The following GTF2IRD1 variants were observed in gnomAD, a reference collection of about 807,000 sequenced individuals.
GTF2IRD1 encodes GTF2I repeat domain containing 1, also known as general transcription factor II-I repeat domain-containing protein 1.
GTF2IRD1 carries 26 observed loss-of-function variants against 113.2 expected under a neutral mutation model. The ratio of observed to expected loss-of-function variants is 0.23; its 90% CI spans 0.17 to 0.32. GTF2IRD1 has a LOEUF of 0.32. GTF2IRD1 is among the 10% of genes least tolerant of loss of function. The pLI is 1.00. For synonymous variants in GTF2IRD1, 484 were observed against 529.1 expected (o/e 0.91, Z 1.17); for missense variants, 864 against 1,280.8 (o/e 0.67, Z 4.97).
Position 74,555,331 on chromosome 7 carries a change from C to T in GTF2IRD1, c.1967-107C>T, listed in dbSNP as rs1799527687. 2 of 1,457,274 alleles carry T rather than the reference C, an allele frequency of 1.4e-6. No individual in the cohort carries two copies. Among genetic ancestry groups the T allele is most frequent in the African/African-American group, 2.8e-5 (2 of 71,894 alleles). 90.3% of individuals were successfully genotyped at this position (1,457,274 alleles called of 1,614,324 possible). ...GCCTCTGTCCTGCTCCCATCCTGGC[C>T]CTGGCATTCTCCCCACACCCCCACA... is the stretch of plus-strand genomic sequence containing the variant. On this transcript the variant is annotated intron_variant, in intron 18 of 26. Coordinates refer to ENST00000424337, the MANE Select transcript of GTF2IRD1 (RefSeq NM_005685.4). This position sits in a 1 kb window ranked among gnomAD's most constrained non-coding sequence, Gnocchi z 5.3.
chr7:74,517,131 C>T (rs112311591), intron 4 of GTF2IRD1, among the ~76,000 whole-genome samples: 58 of 152,196 alleles, frequency 3.8e-4, no homozygotes, highest in African/African-American at 1.3e-3. Context: ...TCAAGCAATT[C>T]TCCTGCCTCA....
At chr7:74,478,225 T>C (rs1208902221) in intron 1 of GTF2IRD1, among the ~76,000 whole-genome samples, 1 of 152,188 alleles carries the variant, frequency 6.6e-6, no homozygotes, top group African/African-American at 2.4e-5. Context: ...AGAGATATAC[T>C]GTGAGCAACA....
chr7:74,569,633 A>G (rs1371567040), intron 22 of GTF2IRD1, among the ~76,000 whole-genome samples: 1 of 152,198 alleles, frequency 6.6e-6, no homozygotes, highest in Non-Finnish European at 1.5e-5. Context: ...CATGGTAACC[A>G]TATTTCCACC....
intron 21 of GTF2IRD1, 35 bp downstream of exon 21, chr7:74,559,079 G>T (rs1554358233): frequency 1.3e-6 from 2 of 1,579,910 alleles, no homozygotes; most frequent in Admixed American, 1.7e-5. Context: ...GAAGAGGCAG[G>T]ACTAGCTCAG....
chr7:74,568,337 T>TTAAAAAAAA (rs1554361354), intron 22 of GTF2IRD1, among the ~76,000 whole-genome samples: 3 of 91,990 alleles, frequency 3.3e-5, no homozygotes, highest in African/African-American at 1.4e-4. Flanking sequence ...CATCTCTATT[T>TTAAAAAAAA]AAAAAAAAAA....
intron 14 of GTF2IRD1, among the ~76,000 whole-genome samples, chr7:74,542,722 A>G (rs1798700753): frequency 6.6e-6 from 1 of 152,252 alleles, no homozygotes; most frequent in Non-Finnish European, 1.5e-5. Context: ...TCAGGCTGAG[A>G]TGACAGCATG....
In GTF2IRD1 at chr7:74,484,449, C is replaced by A. The variant is rs564227667; in HGVS notation, c.-6-23626C>A. Among the ~76,000 whole-genome samples, 7 of 148,434 alleles carry A rather than the reference C, an allele frequency of 4.7e-5. No individual in the cohort carries two copies. In the East Asian group the frequency reaches 1.2e-3, roughly 25 times the overall value. On this transcript the variant is annotated intron_variant, in intron 1 of 26. Transcript: ENST00000424337. ...GGCATGAGCCACCACACCCGGCCATCCTTCTTTTTTTTTTTTTTTTTTTGA... is the reference window on the plus strand; with the variant it reads ...GGCATGAGCCACCACACCCGGCCATACTTCTTTTTTTTTTTTTTTTTTTGA...
chr7:74,561,713 C>T (rs1341899856), intron 22 of GTF2IRD1, among the ~76,000 whole-genome samples: 5 of 151,936 alleles, frequency 3.3e-5, no homozygotes, highest in Non-Finnish European at 7.4e-5. Flanking sequence ...GGGTTTCTGG[C>T]CCTGCACTGG....
intron 22 of GTF2IRD1, among the ~76,000 whole-genome samples, chr7:74,587,238 A>C (rs1801764631): frequency 2.0e-5 from 3 of 152,108 alleles, no homozygotes; most frequent in Non-Finnish European, 1.5e-5. Flanking sequence ...TGAGCTCAGG[A>C]GTTTGAGACC....
intron 1 of GTF2IRD1, among the ~76,000 whole-genome samples, chr7:74,499,677 AATGAATGAATGCACAC>A (rs1303882153): frequency 6.6e-6 from 1 of 152,202 alleles, no homozygotes; most frequent in Non-Finnish European, 1.5e-5. Flanking sequence ...CCAAGAAATG[AATGAATGAATGCACAC>A]ATGAATGAAT....
At chr7:74,465,637 C>T (rs760071982) in intron 1 of GTF2IRD1, among the ~76,000 whole-genome samples, 1 of 152,158 alleles carries the variant, frequency 6.6e-6, no homozygotes, top group Non-Finnish European at 1.5e-5. Flanking sequence ...CAGAAGCTGG[C>T]CCTGTGGGAG....
At chr7:74,510,819 G>A (rs1796587332) in intron 2 of GTF2IRD1, among the ~76,000 whole-genome samples, 1 of 151,930 alleles carries the variant, frequency 6.6e-6, no homozygotes, top group South Asian at 2.1e-4. Flanking sequence ...GAGGCTGAGT[G>A]GGGCAGATCA....
At position 74,512,591 on chromosome 7, in the gene GTF2IRD1, G is replaced by A. The variant is rs1045585475; in HGVS notation, c.124-239G>A. ...GGCCTACCCCAAGGAGGAGGACCTT[G>A]GAGGGAGGAGCAGAGGACACTTGTC... On this transcript the variant is annotated intron_variant, in intron 2 of 26. Coordinates refer to ENST00000424337, the MANE Select transcript of GTF2IRD1 (RefSeq NM_005685.4). The surrounding 1 kb of genome is among the most constrained non-coding windows in gnomAD (Gnocchi z 4.4). 1.3e-5 allele frequency among the ~76,000 whole-genome samples: 2 copies of A among 151,902 alleles called. No individual in the cohort carries two copies. The highest frequency in any genetic ancestry group is 2.9e-5 in the Non-Finnish European group (2 of 68,022).
In GTF2IRD1 at chr7:74,566,959, A is replaced by G. The variant is rs1800357273; in HGVS notation, c.2320+7304A>G. 2.0e-5 allele frequency among the ~76,000 whole-genome samples: 3 copies of G among 152,184 alleles called. No individual in the cohort carries two copies. The South Asian group carries it at 6.2e-4, about 31-fold the overall frequency. ...TTGCTGTCCCCTCCTGGCTACCAGCAGCTATTACACTGGTCCTGCCTGTGT... is the reference window on the plus strand; with the variant it reads ...TTGCTGTCCCCTCCTGGCTACCAGCGGCTATTACACTGGTCCTGCCTGTGT... On this transcript the variant is annotated intron_variant, in intron 22 of 26. Coordinates refer to ENST00000424337, the MANE Select transcript of GTF2IRD1 (RefSeq NM_005685.4).
chr7:74,562,586 A>G (rs1275598112), intron 22 of GTF2IRD1, among the ~76,000 whole-genome samples: 9 of 14,778 alleles, frequency 6.1e-4, no homozygotes, highest in South Asian at 2.6e-3. Context: ...TTTTTTTTTG[A>G]GATGGAATTT....
chr7:74,526,698 G>A (rs1278432190), intron 8 of GTF2IRD1, among the ~76,000 whole-genome samples: 1 of 151,114 alleles, frequency 6.6e-6, no homozygotes, highest in African/African-American at 2.4e-5. Context: ...GAAAAGACAA[G>A]CCCCAATAAA....
Position 74,538,725 on chromosome 7 carries a change from C to G in GTF2IRD1, c.1493C>G (p.Pro498Arg). 1 of 1,605,770 alleles carries G rather than the reference C, an allele frequency of 6.2e-7. No homozygotes were observed. Among genetic ancestry groups the G allele is most frequent in the African/African-American group, 1.3e-5 (1 of 74,876 alleles). ...LGGLRPIKIE[P>R]EDLDIIQVTV... ...GGGCTGAGGCCGATCAAAATTGAGC[C>G]AGAGGATCTGGACATCATTCAGGTC... Residue 498 changes from proline (P) to arginine (R), a missense_variant, in exon 13 of 27, where the codon CCA becomes CGA. This residue lies in a region of GTF2IRD1 where 218 missense variants were observed against 352.6 expected (regional missense o/e 0.62). Transcript: ENST00000424337.
intron 1 of GTF2IRD1, among the ~76,000 whole-genome samples, chr7:74,502,574 C>G (rs1304886250): frequency 5.3e-5 from 8 of 152,222 alleles, no homozygotes; most frequent in African/African-American, 1.9e-4. Flanking sequence ...GCGCTCTGGG[C>G]CGGACTTCTA....
intron 1 of GTF2IRD1, among the ~76,000 whole-genome samples, chr7:74,500,754 T>C (rs1327111539): frequency 6.6e-6 from 1 of 152,148 alleles, no homozygotes; most frequent in Non-Finnish European, 1.5e-5. Context: ...GGCAGGGTCT[T>C]GCTCTGTCGC....
Sources: gnomAD v4.1 joint callset for allele counts (sites outside exome capture counted in the v4.1 genomes callset) on GRCh38, gnomAD v4.1.1 for gene constraint, gnomAD v4.1.1 regional missense constraint, Gnocchi (gnomAD v3.1) non-coding constraint, MANE v1.5 for transcripts, NCBI Gene and HGNC (gene_info 2026-07-23, HGNC 2026-07-21) for gene names.